Variants in TNFSF4 observed in about 807,000 individuals in gnomAD.
TNFSF4 encodes the protein TNF superfamily member 4.
In TNFSF4, 4 loss-of-function variants were observed where a neutral mutation model predicts 7.3. That is an observed-to-expected ratio of 0.55 (90% CI 0.27 to 1.25). The LOEUF (loss-of-function observed/expected upper bound fraction) is 1.25, where lower values mean the gene tolerates loss of function less well. TNFSF4 is among the 50% of genes most tolerant of loss of function. TNFSF4 has a pLI of 0.12. For synonymous variants in TNFSF4, 76 were observed against 83.7 expected (o/e 0.91, Z 0.50); for missense variants, 181 against 208.8 (o/e 0.87, Z 0.82).
the TNFSF4 span, among the ~76,000 whole-genome samples, chr1:173,224,083 T>C: frequency 6.6e-6 from 1 of 152,184 alleles, no homozygotes; most frequent in Non-Finnish European, 1.5e-5. Flanking sequence ...TAAAAGGCCC[T>C]AAGCAGCACT....
the TNFSF4 span, among the ~76,000 whole-genome samples, chr1:173,416,222 G>C: frequency 6.6e-6 from 1 of 152,242 alleles, no homozygotes; most frequent in Non-Finnish European, 1.5e-5. Context: ...CAGCAGCTGG[G>C]CTGTGGGTGG....
chr1:173,285,271 A>G, the TNFSF4 span, among the ~76,000 whole-genome samples: 1 of 152,174 alleles, frequency 6.6e-6, no homozygotes, highest in Non-Finnish European at 1.5e-5. Context: ...AATTGCTGCA[A>G]TTATATGCTA....
At chr1:173,316,198 C>T in the TNFSF4 span, among the ~76,000 whole-genome samples, 1 of 152,054 alleles carries the variant, frequency 6.6e-6, no homozygotes, top group African/African-American at 2.4e-5. Context: ...GCTTAGCAAC[C>T]TTGTCAAAAA....
chr1:173,288,414 T>C, the TNFSF4 span, among the ~76,000 whole-genome samples: 12 of 152,118 alleles, frequency 7.9e-5, no homozygotes, highest in Non-Finnish European at 1.3e-4. Context: ...CCAGCCTGGG[T>C]GACAGAGCCA....
the TNFSF4 span, among the ~76,000 whole-genome samples, chr1:173,414,473 A>C: frequency 6.6e-6 from 1 of 152,338 alleles, no homozygotes; most frequent in Non-Finnish European, 1.5e-5. Flanking sequence ...GACGCAATTC[A>C]ATCTGTAACA....
chr1:173,448,837 T>C, the TNFSF4 span, among the ~76,000 whole-genome samples: 2 of 152,230 alleles, frequency 1.3e-5, no homozygotes, highest in Admixed American at 6.5e-5. Context: ...GGGGATGCGA[T>C]GGCTTGGCTT....
At chr1:173,321,699 C>A in the TNFSF4 span, among the ~76,000 whole-genome samples, 1 of 151,880 alleles carries the variant, frequency 6.6e-6, no homozygotes, top group Admixed American at 6.6e-5. Context: ...ATTTATGCAG[C>A]CAATAGATAT....
chr1:173,353,244 G>A, the TNFSF4 span, among the ~76,000 whole-genome samples: 1 of 152,146 alleles, frequency 6.6e-6, no homozygotes, highest in Non-Finnish European at 1.5e-5. Context: ...GTATTGATTG[G>A]GGAAGTGATA....
the TNFSF4 span, among the ~76,000 whole-genome samples, chr1:173,254,184 A>G: frequency 9.2e-5 from 14 of 152,226 alleles, no homozygotes; most frequent in Admixed American, 3.3e-4. Context: ...AGAGATCTTT[A>G]CCTTTGTCAA....
At chr1:173,289,267 G>A in the TNFSF4 span, among the ~76,000 whole-genome samples, 1 of 152,034 alleles carries the variant, frequency 6.6e-6, no homozygotes, top group South Asian at 2.1e-4. Context: ...TTATAGGAGA[G>A]CTCTAAGATG....
the TNFSF4 span, among the ~76,000 whole-genome samples, chr1:173,322,332 C>CG: frequency 6.6e-6 from 1 of 151,262 alleles, no homozygotes; most frequent in African/African-American, 2.4e-5. Context: ...TGTAAGGGGG[C>CG]GGGGGGCAAG....
the TNFSF4 span, among the ~76,000 whole-genome samples, chr1:173,247,180 T>C: frequency 6.6e-6 from 1 of 152,212 alleles, no homozygotes; most frequent in African/African-American, 2.4e-5. Flanking sequence ...GTACTATCTG[T>C]ATGGGCTGTC....
chr1:173,297,107 T>C, the TNFSF4 span, among the ~76,000 whole-genome samples: 6 of 151,916 alleles, frequency 3.9e-5, no homozygotes, highest in Non-Finnish European at 8.8e-5. Context: ...TGATGTCTAG[T>C]GGGAGAGAAA....
At chr1:173,200,289 T>C (rs1452728160) in intron 1 of TNFSF4, among the ~76,000 whole-genome samples, 1 of 152,206 alleles carries the variant, frequency 6.6e-6, no homozygotes, top group Non-Finnish European at 1.5e-5. Flanking sequence ...CTATACCTCA[T>C]ATTTCCTCAG....
At chr1:173,209,964 A>G (rs1189411630), upstream of TNFSF4, among the ~76,000 whole-genome samples, 3 of 152,160 alleles carry the variant, frequency 2.0e-5, no homozygotes, top group Non-Finnish European at 4.4e-5. Context: ...TACAGAAAAT[A>G]TGGAAAAGAA....
At chr1:173,415,382 T>G in the TNFSF4 span, among the ~76,000 whole-genome samples, 1 of 152,296 alleles carries the variant, frequency 6.6e-6, no homozygotes, top group African/African-American at 2.4e-5. Flanking sequence ...AAAGAGCACC[T>G]TGAAGCCTAT....
At chr1:173,351,495 G>A in the TNFSF4 span, among the ~76,000 whole-genome samples, 31 of 152,186 alleles carry the variant, frequency 2.0e-4, no homozygotes, top group Middle Eastern at 3.4e-3. Flanking sequence ...TTGTTGCTTC[G>A]GTCAGAAGTC....
At chr1:173,440,745 C>T in the TNFSF4 span, 3 of 152,138 alleles carry the variant, frequency 2.0e-5, no homozygotes, top group Non-Finnish European at 2.9e-5. Flanking sequence ...CCAGCTCCTA[C>T]GTAGACTAAA....
chr1:173,392,504 C>T, the TNFSF4 span, among the ~76,000 whole-genome samples: 2 of 152,166 alleles, frequency 1.3e-5, no homozygotes, highest in Non-Finnish European at 2.9e-5. Context: ...CAACTGGTAA[C>T]TATTATTTGT....
Sources: gnomAD v4.1 joint callset for allele counts (sites outside exome capture counted in the v4.1 genomes callset) on GRCh38, gnomAD v4.1.1 for gene constraint, MANE v1.5 for transcripts, NCBI Gene and HGNC (gene_info 2026-07-23, HGNC 2026-07-21) for gene names.